ARHGEF4: variants seen among roughly 807,000 people sequenced by gnomAD.
The protein encoded by ARHGEF4 is APC-stimulated guanine nucleotide exchange factor 1.
A neutral mutation model predicts 162.0 loss-of-function variants in ARHGEF4; 119 were observed. The observed-to-expected ratio is 0.73, with a 90% confidence interval of 0.63 to 0.86. ARHGEF4 has a LOEUF of 0.86. Ranked by LOEUF, ARHGEF4 falls within the 40% of genes least tolerant of loss-of-function variation. ARHGEF4 has a pLI of 0.00. For synonymous variants in ARHGEF4, 1,014 were observed against 979.9 expected (o/e 1.03, Z -0.65); for missense variants, 2,488 against 2,456.0 (o/e 1.01, Z -0.28).
chr2:130,971,604 A>C (rs995303658), intron 4 of ARHGEF4, among the ~76,000 whole-genome samples: 1 of 142,974 alleles, frequency 7.0e-6, no homozygotes, highest in African/African-American at 2.6e-5. Flanking sequence ...GTTGCAGTGA[A>C]CCGAGATTGT....
At chr2:130,941,134 C>T (rs958368815) in intron 3 of ARHGEF4, among the ~76,000 whole-genome samples, 11 of 151,930 alleles carry the variant, frequency 7.2e-5, no homozygotes, top group African/African-American at 2.2e-4. Context: ...TTTTGTCAAA[C>T]GGATATTCAG....
At chr2:130,889,957 A>G (rs975523701) in intron 1 of ARHGEF4, among the ~76,000 whole-genome samples, 1 of 152,066 alleles carries the variant, frequency 6.6e-6, no homozygotes, top group African/African-American at 2.4e-5. Context: ...TTATCAGTCT[A>G]ACTCTTTGTA....
Position 130,916,665 on chromosome 2 carries a change from G to T in ARHGEF4, c.2719G>T (p.Ala907Ser). The T allele has an allele frequency of 6.4e-7, 1 of 1,550,620 alleles. No individual in the cohort carries two copies. Residue 907 changes from alanine (A) to serine (S), a missense_variant, in exon 2 of 14, where the codon GCA becomes TCA. By Grantham distance (99) the Ala-to-Ser change is moderately conservative. Around this residue, in one of 6 missense-constraint regions of ARHGEF4, gnomAD observed 1,642 missense variants for 1,481.5 expected, o/e 1.11. Transcript: ENST00000409359. The part of the protein sequence containing the change: ...RLKTTEKKLR[A>S]RLALAHKTFS... ...CAAAACAACGGAGAAAAAACTCAGG[G>T]CAAGGTTGGCCTTGGCTCATAAGAC...
chr2:131,039,235 GC>G (rs1690560713), intron 6 of ARHGEF4: 7 of 1,269,856 alleles, frequency 5.5e-6, no homozygotes, highest in Non-Finnish European at 7.3e-6. Flanking sequence ...GCCCTCGGGG[GC>G]CAGAGAGGAG....
intron 4 of ARHGEF4, among the ~76,000 whole-genome samples, chr2:130,999,998 C>A (rs1401413445): frequency 6.6e-6 from 1 of 152,228 alleles, no homozygotes; most frequent in East Asian, 1.9e-4. Flanking sequence ...CGTAAGCCAC[C>A]ACTCCCAGCC....
At chr2:130,943,103 T>C (rs1574273481) in intron 3 of ARHGEF4, among the ~76,000 whole-genome samples, 1 of 152,216 alleles carries the variant, frequency 6.6e-6, no homozygotes, top group Non-Finnish European at 1.5e-5. Flanking sequence ...CATTTTTCCT[T>C]TAAATTTTTG....
chr2:130,881,003 C>A (rs75440782), intron 1 of ARHGEF4, among the ~76,000 whole-genome samples: 4,111 of 152,142 alleles, frequency 0.027, 160 homozygotes, highest in African/African-American at 0.093. Flanking sequence ...GAGATGGATT[C>A]TTGTGAAGAT....
At chr2:130,891,379 A>G (rs1217947876) in intron 1 of ARHGEF4, among the ~76,000 whole-genome samples, 1 of 152,186 alleles carries the variant, frequency 6.6e-6, no homozygotes, top group African/African-American at 2.4e-5. Flanking sequence ...TCTAGCTATG[A>G]ACATTTAGAT....
intron 4 of ARHGEF4, among the ~76,000 whole-genome samples, chr2:130,956,199 G>T (rs1271426218): frequency 6.6e-6 from 1 of 152,180 alleles, no homozygotes; most frequent in Admixed American, 6.5e-5. Flanking sequence ...CATTTATGCA[G>T]CCAAAAGACA....
At chr2:130,970,705 G>T (rs1685306017) in intron 4 of ARHGEF4, among the ~76,000 whole-genome samples, 2 of 151,762 alleles carry the variant, frequency 1.3e-5, no homozygotes, top group African/African-American at 4.8e-5. Flanking sequence ...GTGGGTGTTT[G>T]GCATATGCAT....
intron 4 of ARHGEF4, among the ~76,000 whole-genome samples, chr2:131,008,091 G>T (rs192272456): frequency 6.6e-6 from 1 of 152,146 alleles, no homozygotes; most frequent in East Asian, 1.9e-4. Context: ...AAGATTACAC[G>T]CATGAGCCAC....
chr2:130,918,484 G>A (rs1681663467), intron 2 of ARHGEF4, among the ~76,000 whole-genome samples: 1 of 152,208 alleles, frequency 6.6e-6, no homozygotes, highest in Non-Finnish European at 1.5e-5. Flanking sequence ...ACCAAGCGAT[G>A]CCGAGTCTTC....
At chr2:130,923,614 C>G (rs1402801850) in intron 2 of ARHGEF4, among the ~76,000 whole-genome samples, 1 of 152,184 alleles carries the variant, frequency 6.6e-6, no homozygotes, top group Non-Finnish European at 1.5e-5. Flanking sequence ...CACAGCAGGA[C>G]AGCATGCAGC....
intron 2 of ARHGEF4, among the ~76,000 whole-genome samples, chr2:130,929,428 C>T (rs1160578851): frequency 2.0e-5 from 3 of 151,968 alleles, no homozygotes; most frequent in Non-Finnish European, 2.9e-5. Flanking sequence ...TTTAGAATAC[C>T]TCAGATTAAG....
At chr2:131,041,766 T>C in intron 9 of ARHGEF4, 49 bp from the exon 10 acceptor site, 2 of 1,597,036 alleles carry the variant, frequency 1.3e-6, no homozygotes, top group Non-Finnish European at 1.7e-6. Flanking sequence ...ATCCTCACCC[T>C]TTCTCTGTCT....
At chr2:131,002,206 A>G (rs973508406) in intron 4 of ARHGEF4, among the ~76,000 whole-genome samples, 6 of 152,212 alleles carry the variant, frequency 3.9e-5, no homozygotes, top group African/African-American at 1.4e-4. Flanking sequence ...TAAAAATTTA[A>G]AAGCTTTAAT....
chr2:130,959,492 T>G (rs186312840), intron 4 of ARHGEF4, among the ~76,000 whole-genome samples: 2,021 of 152,268 alleles, frequency 0.013, 34 homozygotes, highest in Middle Eastern at 0.017. Context: ...CTCAGTTAAT[T>G]TCAGTGGTAA....
At chr2:130,893,042 G>A (rs560077663) in intron 1 of ARHGEF4, among the ~76,000 whole-genome samples, 123 of 152,344 alleles carry the variant, frequency 8.1e-4, no homozygotes, top group Admixed American at 1.7e-3. Context: ...TGAGTGTGGC[G>A]TGCAAAGCCC....
intron 4 of ARHGEF4, among the ~76,000 whole-genome samples, chr2:130,950,293 T>C (rs2105159512): frequency 6.6e-6 from 1 of 152,154 alleles, no homozygotes; most frequent in African/African-American, 2.4e-5. Context: ...CCCTGGCAAA[T>C]CGGTGTCCAA....
Sources: allele counts gnomAD v4.1 joint callset (sites outside exome capture counted in the v4.1 genomes callset), GRCh38; gene constraint gnomAD v4.1.1; regional missense constraint gnomAD v4.1.1; transcripts MANE v1.5; gene names NCBI Gene and HGNC (gene_info 2026-07-23, HGNC 2026-07-21).